Variants in SH3GL2 observed in about 807,000 individuals in gnomAD.
SH3GL2 encodes the protein SH3 domain containing GRB2 like 2, endophilin A1.
A neutral mutation model predicts 46.0 loss-of-function variants in SH3GL2; 24 were observed. That is an observed-to-expected ratio of 0.52 (90% confidence interval 0.38 to 0.73). SH3GL2 has a LOEUF of 0.73. Ranked by LOEUF, SH3GL2 falls within the 30% of genes least tolerant of loss-of-function variation. The probability of loss-of-function intolerance (pLI) is 0.00; values close to 1 mark genes in which losing one functional copy is unlikely to be tolerated. For missense variants in SH3GL2, 413 were observed against 424.2 expected, an observed-to-expected ratio of 0.97 and a Z score of 0.23; for synonymous variants, 196 against 147.1, an observed-to-expected ratio of 1.33 and a Z score of -2.40.
chr9:17,786,742 C>T (rs1373748673), intron 4 of SH3GL2, among the ~76,000 whole-genome samples: 2 of 151,868 alleles, frequency 1.3e-5, no homozygotes, highest in Non-Finnish European at 1.5e-5. Flanking sequence ...CACTATAAGA[C>T]CTCAGTCTTT....
chr9:17,633,346 C>G (rs916346236), intron 1 of SH3GL2, among the ~76,000 whole-genome samples: 3 of 152,166 alleles, frequency 2.0e-5, no homozygotes, highest in African/African-American at 7.2e-5. Flanking sequence ...GAGGATACTA[C>G]TCTCAATGGC....
At chr9:17,637,713 G>A (rs916866576) in intron 1 of SH3GL2, among the ~76,000 whole-genome samples, 2 of 152,182 alleles carry the variant, frequency 1.3e-5, no homozygotes, top group African/African-American at 4.8e-5. Flanking sequence ...AATAACCTCA[G>A]AAGTTATTAA....
At chr9:17,741,487 T>C (rs959133504) in intron 1 of SH3GL2, among the ~76,000 whole-genome samples, 2 of 152,182 alleles carry the variant, frequency 1.3e-5, no homozygotes, top group Non-Finnish European at 2.9e-5. Flanking sequence ...GTAAGTAAAA[T>C]GTAATACATC....
At chr9:17,664,356 A>G (rs145534856) in intron 1 of SH3GL2, among the ~76,000 whole-genome samples, 1 of 152,302 alleles carries the variant, frequency 6.6e-6, no homozygotes, top group East Asian at 1.9e-4. Context: ...GGTGATTATC[A>G]TGTGGACATT....
At chr9:17,745,602 C>CT (rs1397050461) in intron 1 of SH3GL2, among the ~76,000 whole-genome samples, 1 of 152,048 alleles carries the variant, frequency 6.6e-6, no homozygotes, top group Admixed American at 6.5e-5. Flanking sequence ...TTGTGGCTGT[C>CT]CTAAGAGTGG....
intron 1 of SH3GL2, among the ~76,000 whole-genome samples, chr9:17,623,633 A>G (rs546922467): frequency 1.3e-5 from 2 of 152,082 alleles, no homozygotes; most frequent in South Asian, 4.2e-4. Flanking sequence ...ACAGAAAAAA[A>G]TTACAAAGAA....
At chr9:17,717,815 G>A (rs992239348) in intron 1 of SH3GL2, among the ~76,000 whole-genome samples, 48 of 151,114 alleles carry the variant, frequency 3.2e-4, no homozygotes, top group Non-Finnish European at 2.2e-4. Context: ...ATATTATTTA[G>A]TAGTAGTCAA....
chr9:17,743,598 A>C (rs905334119), intron 1 of SH3GL2, among the ~76,000 whole-genome samples: 1 of 150,888 alleles, frequency 6.6e-6, no homozygotes, highest in Non-Finnish European at 1.5e-5. Flanking sequence ...ACACACACAC[A>C]CACCCCAAAT....
At chr9:17,734,975 A>G (rs1822288039) in intron 1 of SH3GL2, among the ~76,000 whole-genome samples, 1 of 152,154 alleles carries the variant, frequency 6.6e-6, no homozygotes, top group African/African-American at 2.4e-5. Flanking sequence ...TATCTTTACA[A>G]AGTAATGCAT....
intron 1 of SH3GL2, among the ~76,000 whole-genome samples, chr9:17,585,509 A>G (rs1818358086): frequency 6.6e-6 from 1 of 152,200 alleles, no homozygotes; most frequent in African/African-American, 2.4e-5. Context: ...AACAGAGTTT[A>G]TTATACTCAC....
chr9:17,642,210 G>GT (rs1167709253), intron 1 of SH3GL2, among the ~76,000 whole-genome samples: 1 of 152,114 alleles, frequency 6.6e-6, no homozygotes, highest in Non-Finnish European at 1.5e-5. Flanking sequence ...GGGGCTGTTT[G>GT]TTTTTTTCTT....
At chr9:17,657,014 G>T (rs1163955506) in intron 1 of SH3GL2, among the ~76,000 whole-genome samples, 1 of 152,064 alleles carries the variant, frequency 6.6e-6, no homozygotes, top group African/African-American at 2.4e-5. Flanking sequence ...AGTGCTCTCT[G>T]ATACTATAGA....
chr9:17,616,846 C>T (rs1294141745), intron 1 of SH3GL2, among the ~76,000 whole-genome samples: 1 of 151,936 alleles, frequency 6.6e-6, no homozygotes, highest in Non-Finnish European at 1.5e-5. Context: ...TTATTTGTTA[C>T]TTTTATTTCT....
intron 1 of SH3GL2, among the ~76,000 whole-genome samples, chr9:17,644,222 CTCTTT>C (rs1819752387): frequency 6.6e-6 from 1 of 151,828 alleles, no homozygotes; most frequent in Non-Finnish European, 1.5e-5. Context: ...TGATTCTTCT[CTCTTT>C]TCTTCTTTAT....
intron 1 of SH3GL2, among the ~76,000 whole-genome samples, chr9:17,730,181 C>G (rs1822136366): frequency 6.6e-6 from 1 of 152,130 alleles, no homozygotes; most frequent in Non-Finnish European, 1.5e-5. Flanking sequence ...CTTCACATCC[C>G]TTGTAAGTTG....
intron 1 of SH3GL2, chr9:17,590,651 A>T (rs988440538): frequency 6.6e-6 from 1 of 152,190 alleles, no homozygotes; most frequent in African/African-American, 2.4e-5. Context: ...CATCGTCCCT[A>T]TGTTCTAGAC....
chr9:17,595,425 A>G (rs946931530), intron 1 of SH3GL2, among the ~76,000 whole-genome samples: 3 of 152,242 alleles, frequency 2.0e-5, no homozygotes, highest in South Asian at 2.1e-4. Context: ...GATGAAAAGG[A>G]TAGTAACATT....
chr9:17,588,088 A>C (rs993738541), intron 1 of SH3GL2, among the ~76,000 whole-genome samples: 2 of 152,174 alleles, frequency 1.3e-5, no homozygotes, highest in African/African-American at 4.8e-5. Flanking sequence ...TCTTAATGGT[A>C]CTTTGTTGCT....
At chr9:17,759,252 C>T (rs759883700) in intron 2 of SH3GL2, among the ~76,000 whole-genome samples, 8 of 152,050 alleles carry the variant, frequency 5.3e-5, no homozygotes, top group Non-Finnish European at 7.4e-5. Flanking sequence ...CCAGAGAGGC[C>T]CAGGATGGAA....
Sources: gnomAD v4.1 joint callset for allele counts (sites outside exome capture counted in the v4.1 genomes callset) on GRCh38, gnomAD v4.1.1 for gene constraint, MANE v1.5 for transcripts, NCBI Gene and HGNC (gene_info 2026-07-23, HGNC 2026-07-21) for gene names.